The following CCDC6 variants were observed in gnomAD, a reference collection of about 807,000 sequenced individuals.
CCDC6 encodes the protein coiled-coil domain-containing protein 6.
CCDC6 carries 20 observed loss-of-function variants against 56.6 expected under a neutral mutation model. The ratio of observed to expected loss-of-function variants is 0.35; its 90% confidence interval spans 0.25 to 0.51. The LOEUF (loss-of-function observed/expected upper bound fraction) is 0.51. Ranked by LOEUF, CCDC6 falls within the 20% of genes least tolerant of loss-of-function variation. The pLI is 0.95. For missense variants in CCDC6, 367 were observed against 601.1 expected (o/e 0.61, Z 4.07); for synonymous variants, 241 against 234.4 (o/e 1.03, Z -0.26).
intron 7 of CCDC6, among the ~76,000 whole-genome samples, chr10:59,801,264 T>C (rs998180072): frequency 2.0e-5 from 3 of 152,360 alleles, no homozygotes; most frequent in African/African-American, 7.2e-5. Context: ...AAGTTATATA[T>C]GAAAACATCT....
intron 1 of CCDC6, among the ~76,000 whole-genome samples, chr10:59,857,573 G>T (rs183847925): frequency 1.2e-4 from 18 of 152,210 alleles, no homozygotes; most frequent in Admixed American, 7.9e-4. Context: ...GAAAGAGAAC[G>T]GTTCTCCAAA....
At chr10:59,847,359 T>A (rs901709563) in intron 2 of CCDC6, among the ~76,000 whole-genome samples, 6 of 39,508 alleles carry the variant, frequency 1.5e-4, no homozygotes, top group Non-Finnish European at 2.8e-4. Flanking sequence ...GGCCTAGAAA[T>A]TTTTTTTTAA....
At chr10:59,802,396 G>C (rs992236689) in intron 7 of CCDC6, among the ~76,000 whole-genome samples, 4 of 152,150 alleles carry the variant, frequency 2.6e-5, no homozygotes, top group East Asian at 1.9e-4. Context: ...GAAGTGATTA[G>C]ATATTCTTAA....
rs868217861 is a variant in CCDC6 at position 59,876,815 on chromosome 10, T to C, written c.304-24113A>G. Among the ~76,000 whole-genome samples the C allele has an allele frequency of 5.3e-5, 8 of 152,306 alleles. No homozygotes were observed. In the South Asian group the frequency reaches 1.2e-3, roughly 24 times the overall value. On this transcript the variant is annotated intron_variant, in intron 1 of 8. Transcript: ENST00000263102. Reference sequence around the variant, plus strand: ...CATTAGACAATTGTATTTCATTACATTGAGATTTTTTGAATACAGTCATGT... The same window carrying C: ...CATTAGACAATTGTATTTCATTACACTGAGATTTTTTGAATACAGTCATGT...
intron 1 of CCDC6, among the ~76,000 whole-genome samples, chr10:59,857,590 A>C (rs2071090333): frequency 6.6e-6 from 1 of 152,216 alleles, no homozygotes; most frequent in African/African-American, 2.4e-5. Context: ...CAAAGCAAGA[A>C]ATTACAAACA....
At chr10:59,856,041 A>G (rs1228937595) in intron 1 of CCDC6, among the ~76,000 whole-genome samples, 1 of 152,226 alleles carries the variant, frequency 6.6e-6, no homozygotes, top group African/African-American at 2.4e-5. Context: ...AATGAACATG[A>G]GAAACTGTTC....
intron 2 of CCDC6, among the ~76,000 whole-genome samples, chr10:59,843,529 T>A (rs2070961055): frequency 6.6e-6 from 1 of 152,230 alleles, no homozygotes; most frequent in Admixed American, 6.5e-5. Context: ...TGCTTTATAG[T>A]ATACGCCCGG....
At chr10:59,880,400 C>T (rs1013774347) in intron 1 of CCDC6, among the ~76,000 whole-genome samples, 4 of 152,168 alleles carry the variant, frequency 2.6e-5, no homozygotes, top group Non-Finnish European at 2.9e-5. Context: ...ATAGATAAAT[C>T]CCACAGACAT....
rs2071351303 is a variant in CCDC6, at chr10:59,882,587, CCGCG to C, written c.303+23531_303+23534del. On this transcript the variant is annotated intron_variant, in intron 1 of 8. Coordinates refer to ENST00000263102, the MANE Select transcript of CCDC6 (RefSeq NM_005436.5). Reference sequence around the variant, plus strand: ...AGCCGCGGGGAGAAGGAAAGGAAAGCCGCGGGGAGAAGGAAAGGAAAGCCGGCGG... The same window carrying C: ...AGCCGCGGGGAGAAGGAAAGGAAAGCGGGAGAAGGAAAGGAAAGCCGGCGG... Among the ~76,000 whole-genome samples the C allele has an allele frequency of 1.4e-4, 4 of 28,982 alleles. 1 individual carries two copies. The highest frequency in any genetic ancestry group is 2.6e-4 in the Non-Finnish European group (3 of 11,358). The allele number at this position is 28,982 out of a possible 152,430, so 19.0% of individuals were successfully genotyped here.
chr10:59,824,281 C>G (rs1564742441), intron 3 of CCDC6, among the ~76,000 whole-genome samples: 1 of 152,160 alleles, frequency 6.6e-6, no homozygotes, highest in Non-Finnish European at 1.5e-5. Flanking sequence ...GTTGGCACCC[C>G]TAAGTTGGCT....
Position 59,902,495 on chromosome 10 carries a change from G to A in CCDC6, c.303+3627C>T, listed in dbSNP as rs182178988. Among the ~76,000 whole-genome samples the A allele has an allele frequency of 1.7e-4, 24 of 144,926 alleles. No homozygotes were observed. In the East Asian group the frequency reaches 3.8e-3, roughly 23 times the overall value. ...TGCAACCTCCACCTCCTGGGTTCAC[G>A]CCATTCTCCTGCCTCAGCCTCCAAA... is the stretch of plus-strand genomic sequence containing the variant. On this transcript the variant is annotated intron_variant, in intron 1 of 8. Transcript: ENST00000263102.
chr10:59,791,986 T>C lies in CCDC6; in HGVS notation c.*931A>G, dbSNP rs1438806122. The C allele has an allele frequency of 1.8e-5, 4 of 221,736 alleles. No homozygotes were observed. The highest frequency in any genetic ancestry group is 1.4e-3 in the Middle Eastern group (1 of 738). 13.7% of individuals were successfully genotyped at this position (221,736 alleles called of 1,614,324 possible). ...GTCCATTTCAAATAGTATTTTCTAA[T>C]GGTATTTTGCACCTTTAAAATATTT... On this transcript the variant is annotated 3_prime_UTR_variant, in exon 9 of 9. Transcript: ENST00000263102.
chr10:59,843,861 T>C (rs1457239464), intron 2 of CCDC6, among the ~76,000 whole-genome samples: 2 of 152,138 alleles, frequency 1.3e-5, no homozygotes, highest in East Asian at 1.9e-4. Flanking sequence ...CAGCTTGAGG[T>C]AGGGTTGACT....
rs75317472 is a variant in CCDC6, at chr10:59,900,753, A to G, written c.303+5369T>C. Among the ~76,000 whole-genome samples, 360 of 152,350 alleles carry G rather than the reference A, an allele frequency of 2.4e-3. 3 individuals are homozygous for G. Among genetic ancestry groups the G allele is most frequent in the African/African-American group, 8.1e-3 (336 of 41,578 alleles). ...ATAGGAAGCACTGTAAAAGACTGTC[A>G]TGACCTTTAAAATTTCAGCTTTTGG... is the stretch of plus-strand genomic sequence containing the variant. On this transcript the variant is annotated intron_variant, in intron 1 of 8. Coordinates refer to ENST00000263102, the MANE Select transcript of CCDC6 (RefSeq NM_005436.5).
In CCDC6 at chr10:59,905,866, G is replaced by A. The variant is rs570734330; in HGVS notation, c.303+256C>T. Among the ~76,000 whole-genome samples, 4 of 152,276 alleles carry A rather than the reference G, an allele frequency of 2.6e-5. No homozygotes were observed. The South Asian group carries it at 6.2e-4, about 24-fold the overall frequency. ...GGGCCTCCTCTCCAGAGGCTAAAAG[G>A]GACCATGAATGGTTGCCACAGTAGC... On this transcript the variant is annotated intron_variant, in intron 1 of 8. Transcript: ENST00000263102.
intron 1 of CCDC6, among the ~76,000 whole-genome samples, chr10:59,877,298 A>C (rs774018751): frequency 6.6e-6 from 1 of 152,218 alleles, no homozygotes; most frequent in African/African-American, 2.4e-5. Context: ...GTAAAGTTTG[A>C]AACAAGAGTA....
At chr10:59,822,900 A>T (rs1420593536) in intron 3 of CCDC6, among the ~76,000 whole-genome samples, 1 of 65,100 alleles carries the variant, frequency 1.5e-5, no homozygotes, top group Non-Finnish European at 3.6e-5. Context: ...CTATGCTTAT[A>T]AAAAAAAAAC....
intron 1 of CCDC6, among the ~76,000 whole-genome samples, chr10:59,856,957 T>C (rs1304336014): frequency 6.6e-6 from 1 of 152,224 alleles, no homozygotes; most frequent in African/African-American, 2.4e-5. Flanking sequence ...TGGGAAAATC[T>C]GGAGGAAACA....
At chr10:59,882,003 T>TGGGGGGAGAAGGAAAGGAAAGCC (rs199594834) in intron 1 of CCDC6, among the ~76,000 whole-genome samples, 1 of 88,824 alleles carries the variant, frequency 1.1e-5, no homozygotes, top group African/African-American at 4.6e-5. Context: ...GAAGGAAAGC[T>TGGGGGGAGAAGGAAAGGAAAGCC]GGGGAGAAGG....
Sources: allele counts gnomAD v4.1 joint callset (sites outside exome capture counted in the v4.1 genomes callset), GRCh38; gene constraint gnomAD v4.1.1; transcripts MANE v1.5; gene names NCBI Gene and HGNC (gene_info 2026-07-23, HGNC 2026-07-21).